THBS2: variants seen among roughly 807,000 people sequenced by gnomAD.
THBS2 encodes the protein thrombospondin-2.
THBS2 carries 47 observed loss-of-function variants against 135.2 expected under a neutral mutation model. That is an observed-to-expected ratio of 0.35 (90% CI 0.28 to 0.44). The LOEUF (loss-of-function observed/expected upper bound fraction) is 0.44. Ranked by LOEUF, THBS2 falls within the 20% of genes least tolerant of loss-of-function variation. The pLI, the probability that THBS2 is intolerant of heterozygous loss-of-function variation, is 1.00. For synonymous variants in THBS2, 639 were observed against 633.8 expected, an observed-to-expected ratio of 1.01 and a Z score of -0.12; for missense variants, 1,288 against 1,603.1, an observed-to-expected ratio of 0.80 and a Z score of 3.36.
At chr6:169,230,652 T>A (rs956116086) in intron 13 of THBS2, among the ~76,000 whole-genome samples, 1 of 152,206 alleles carries the variant, frequency 6.6e-6, no homozygotes, top group African/African-American at 2.4e-5. Context: ...ATATACCATT[T>A]TCGAAGTTAT....
At chr6:169,235,063 G>A (rs1012430116) in intron 9 of THBS2, among the ~76,000 whole-genome samples, 156 bp from the exon 10 acceptor site, 12 of 152,198 alleles carry the variant, frequency 7.9e-5, no homozygotes, top group African/African-American at 2.2e-4. Flanking sequence ...AGGTCAGAGC[G>A]TGATCGCACC....
chr6:169,225,392 G>A lies in THBS2; in HGVS notation c.2539-13C>T, dbSNP rs202005912. On this transcript the variant is annotated splice_polypyrimidine_tract_variant and intron_variant, in intron 16 of 21. Coordinates refer to ENST00000617924, the MANE Select transcript of THBS2 (RefSeq NM_003247.5). ...TGTCCACGTCGGTCTAGGGGATGGG[G>A]CGTGAGAGAAACAGCAGAGGACTGC... 2 of 1,552,130 alleles carry A rather than the reference G, an allele frequency of 1.3e-6. No homozygotes were observed. The highest frequency in any genetic ancestry group is 1.7e-6 in the Non-Finnish European group (2 of 1,146,930).
intron 9 of THBS2, among the ~76,000 whole-genome samples, chr6:169,236,583 A>C (rs910073577): frequency 9.8e-6 from 1 of 102,392 alleles, no homozygotes; most frequent in East Asian, 2.8e-4. Context: ...ATCCACACTC[A>C]CTCCCCATCC....
intron 17 of THBS2, 42 bp from the exon 18 acceptor site, chr6:169,223,517 A>C: frequency 6.3e-7 from 1 of 1,580,174 alleles, no homozygotes; most frequent in East Asian, 2.2e-5. Flanking sequence ...AAAAACAAAG[A>C]AGCAAAGTCG....
At chr6:169,250,135 C>T (rs56003273) in intron 2 of THBS2, among the ~76,000 whole-genome samples, 59,999 of 151,970 alleles carry the variant, frequency 0.39, 11,996 homozygotes, top group Middle Eastern at 0.46. Context: ...GGGTTGCTGA[C>T]AGAAGTGGGC....
At chr6:169,238,107 T>C (rs1379210876) in intron 7 of THBS2, among the ~76,000 whole-genome samples, 1 of 152,226 alleles carries the variant, frequency 6.6e-6, no homozygotes, top group Non-Finnish European at 1.5e-5. Context: ...TAATCGATTT[T>C]ATAAAATAGC....
chr6:169,246,147 G>C (rs1354673913), intron 4 of THBS2, 50 bp downstream of exon 4: 1 of 1,494,296 alleles, frequency 6.7e-7, no homozygotes, highest in African/African-American at 1.4e-5. Flanking sequence ...TGTCACAATA[G>C]AAATCCATCC....
chr6:169,219,287 A>C (rs903227901), intron 21 of THBS2, among the ~76,000 whole-genome samples: 30 of 115,868 alleles, frequency 2.6e-4, no homozygotes, highest in Middle Eastern at 6.2e-3. Context: ...GATGGATGAG[A>C]TAGTTGGGTG....
intron 13 of THBS2, among the ~76,000 whole-genome samples, chr6:169,230,318 G>T (rs1047335615): frequency 6.6e-6 from 1 of 152,220 alleles, no homozygotes; most frequent in Non-Finnish European, 1.5e-5. Context: ...GGAAAAGGTA[G>T]AGAGTAGCGT....
intron 7 of THBS2, chr6:169,239,300 G>A (rs1780210481): frequency 1.2e-5 from 5 of 429,352 alleles, no homozygotes; most frequent in Non-Finnish European, 2.1e-5. Flanking sequence ...CTCAGCTGGG[G>A]CTCCATCGGG....
At position 169,252,028 on chromosome 6, in the gene THBS2, C is replaced by T. The variant is rs946898068; in HGVS notation, c.-22-1222G>A. ...CAGTTTCCTCATCCGTAGAATGAAA[C>T]GTAGCGTCATGTAAAATGCCCACCT... On this transcript the variant is annotated intron_variant, in intron 1 of 21. Coordinates refer to ENST00000617924, the MANE Select transcript of THBS2 (RefSeq NM_003247.5). The surrounding 1 kb of genome is among the most constrained non-coding windows in gnomAD (Gnocchi z 4.3). 3 of 152,174 alleles carry T rather than the reference C, an allele frequency of 2.0e-5. No homozygotes were observed. Among genetic ancestry groups the T allele is most frequent in the African/African-American group, 7.2e-5 (3 of 41,434 alleles). The allele number at this position is 152,174 out of a possible 1,614,324, so 9.4% of individuals were successfully genotyped here.
intron 4 of THBS2, among the ~76,000 whole-genome samples, chr6:169,242,948 C>A (rs111210897): frequency 8.3e-3 from 529 of 63,942 alleles, no homozygotes; most frequent in East Asian, 0.014. Context: ...ACCTTCCCAC[C>A]TTCCCACCTT....
intron 5 of THBS2, among the ~76,000 whole-genome samples, chr6:169,240,842 G>A (rs372699053): frequency 3.4e-4 from 51 of 152,226 alleles, no homozygotes; most frequent in African/African-American, 1.1e-3. Context: ...CGGAAATCGC[G>A]TGGCTCACAT....
chr6:169,238,566 G>T (rs1179165238), intron 7 of THBS2, among the ~76,000 whole-genome samples: 2 of 152,210 alleles, frequency 1.3e-5, no homozygotes, highest in Non-Finnish European at 2.9e-5. Flanking sequence ...TTTGCCAGGA[G>T]CATTCTGACT....
rs1554244183 is a variant in THBS2 at position 169,219,346 on chromosome 6, G to GGATGA, written c.3511+851_3511+852insTCATC. On this transcript the variant is annotated intron_variant, in intron 21 of 21. Coordinates refer to ENST00000617924, the MANE Select transcript of THBS2 (RefSeq NM_003247.5). ...TGGGTGGGTGTGTGGGTGGGTGGAT[G>GGATGA]GATGGATGGTTGGGTGAATGGATGA... is the stretch of plus-strand genomic sequence containing the variant. Among the ~76,000 whole-genome samples the GGATGA allele has an allele frequency of 2.2e-3, 285 of 129,126 alleles. 11 individuals carry two copies. The highest frequency in any genetic ancestry group is 3.2e-3 in the East Asian group (14 of 4,366). The allele number at this position is 129,126 out of a possible 152,430, so 84.7% of individuals were successfully genotyped here.
chr6:169,228,010 G>T lies in THBS2; in HGVS notation c.2419+112C>A, dbSNP rs192667734. ...GCAGGAGACTCACTTGAACCCAAAA[G>T]GTGGAGATCGCAGTGAGCCAAGATG... On this transcript the variant is annotated intron_variant, in intron 15 of 21. Coordinates refer to ENST00000617924, the MANE Select transcript of THBS2 (RefSeq NM_003247.5). The T allele has an allele frequency of 3.0e-6, 4 of 1,324,352 alleles. No individual in the cohort carries two copies. In the African/African-American group the frequency reaches 4.5e-5, roughly 15 times the overall value. 82.0% of individuals were successfully genotyped at this position (1,324,352 alleles called of 1,614,324 possible). A position where few individuals can be genotyped will look rare whatever the true frequency, so the allele number is the denominator to read the frequency against.
Position 169,217,777 on chromosome 6 carries a change from A to T in THBS2, c.*45T>A, listed in dbSNP as rs1301829818. 6.2e-7 allele frequency: 1 copy of T among 1,607,906 alleles called. No homozygotes were observed. Among genetic ancestry groups the T allele is most frequent in the African/African-American group, 1.3e-5 (1 of 74,650 alleles). ...CCACAATGAACTGAGGTGTCTAGGG[A>T]CCATGGCATGCACAGGGCATTGCCG... On this transcript the variant is annotated 3_prime_UTR_variant, in exon 22 of 22. Transcript: ENST00000617924.
chr6:169,242,422 C>CT (rs1053371362), intron 4 of THBS2, among the ~76,000 whole-genome samples: 20 of 151,016 alleles, frequency 1.3e-4, no homozygotes, highest in African/African-American at 3.9e-4. Flanking sequence ...ACTCTTCATC[C>CT]TTTTTTTTTC....
At chr6:169,233,822 A>ACAACTGCCCACG (rs1779938437) in intron 10 of THBS2, among the ~76,000 whole-genome samples, 1 of 148,968 alleles carries the variant, frequency 6.7e-6, no homozygotes, top group Non-Finnish European at 1.5e-5. Context: ...AACTGCCCAC[A>ACAACTGCCCACG]CACCACCTTC....
Sources: allele counts gnomAD v4.1 joint callset (sites outside exome capture counted in the v4.1 genomes callset), GRCh38; gene constraint gnomAD v4.1.1; non-coding constraint Gnocchi (gnomAD v3.1); transcripts MANE v1.5; gene names NCBI Gene and HGNC (gene_info 2026-07-23, HGNC 2026-07-21).